MTUS1: variants seen among roughly 807,000 people sequenced by gnomAD.
MTUS1 encodes microtubule-associated tumor suppressor 1.
MTUS1 carries 109 observed loss-of-function variants against 120.8 expected under a neutral mutation model. The ratio of observed to expected loss-of-function variants is 0.90; its 90% CI spans 0.77 to 1.06. The LOEUF is 1.06. Among genes scored for constraint, MTUS1 ranks in the 50% least tolerant of loss-of-function variants. The pLI is 0.00. For missense variants in MTUS1, 2,210 were observed against 1,486.3 expected, an observed-to-expected ratio of 1.49 and a Z score of -8.01; for synonymous variants, 737 against 550.5, an observed-to-expected ratio of 1.34 and a Z score of -4.74.
chr8:17,648,840 G>A (rs909057486), intron 13 of MTUS1, among the ~76,000 whole-genome samples: 7 of 152,202 alleles, frequency 4.6e-5, no homozygotes, highest in Non-Finnish European at 2.9e-5. Context: ...AGTAGCATGC[G>A]GCAGCTGGAC....
chr8:17,747,304 C>T (rs1310102662), intron 2 of MTUS1, among the ~76,000 whole-genome samples: 1 of 152,192 alleles, frequency 6.6e-6, no homozygotes, highest in Non-Finnish European at 1.5e-5. Context: ...AGAATACCTG[C>T]CCTTCAAATT....
chr8:17,684,576 G>C (rs1485635263), intron 6 of MTUS1, 34 bp from the exon 7 acceptor site: 1 of 1,545,708 alleles, frequency 6.5e-7, no homozygotes, highest in African/African-American at 1.4e-5. Flanking sequence ...ACAAAGATAG[G>C]TGAGGTTAAT....
Position 17,676,360 on chromosome 8 carries a change from C to A in MTUS1, c.2839-1108G>T, listed in dbSNP as rs1366080740. ...AGCTTCTGTCTCCAAGTCCCCCCAC[C>A]CCTCGCACTGTGCAAGAAGCATACA... On this transcript the variant is annotated intron_variant, in intron 7 of 14. Coordinates refer to ENST00000693296, the MANE Select transcript of MTUS1 (RefSeq NM_001363059.2). 5 of 702,842 alleles carry A rather than the reference C, an allele frequency of 7.1e-6. No individual in the cohort carries two copies. In the Admixed American group the frequency reaches 8.0e-5, roughly 11 times the overall value. The allele number at this position is 702,842 out of a possible 1,614,324, so 43.5% of individuals were successfully genotyped here. A position where few individuals can be genotyped will look rare whatever the true frequency, so the allele number is the denominator to read the frequency against.
At chr8:17,654,509 T>G in intron 10 of MTUS1, 52 bp downstream of exon 10, 1 of 1,183,202 alleles carries the variant, frequency 8.5e-7, no homozygotes, top group Non-Finnish European at 1.3e-6. Context: ...TAAAACATCA[T>G]GTGGTTCCTT....
At position 17,755,624 on chromosome 8, in the gene MTUS1, G is replaced by C; in HGVS notation, c.184C>G (p.Pro62Ala). 7 of 1,614,112 alleles carry C rather than the reference G, an allele frequency of 4.3e-6. No homozygotes were observed. The highest frequency in any genetic ancestry group is 5.9e-6 in the Non-Finnish European group (7 of 1,180,000). Residue 62 changes from proline to alanine, a missense_variant, in exon 2 of 15, where the codon CCT becomes GCT. By Grantham distance (27) the Pro-to-Ala change is conservative. Coordinates refer to ENST00000693296, the MANE Select transcript of MTUS1 (RefSeq NM_001363059.2). Reference protein sequence around the residue: ...DDMVVDYETDPAVVTGENISL... With the variant: ...DDMVVDYETDAAVVTGENISL... ...ATATTTTCACCAGTAACTACAGCAG[G>C]GTCAGTTTCATAATCAACCACCATG... is the stretch of plus-strand genomic sequence containing the variant.
chr8:17,654,701 A>G (rs1021371818), intron 9 of MTUS1, 35 bp from the exon 10 acceptor site: 51 of 1,469,136 alleles, frequency 3.5e-5, no homozygotes, highest in Non-Finnish European at 4.6e-5. Flanking sequence ...GTTTAACAGT[A>G]AAACCAAATG....
chr8:17,653,260 T>A lies in MTUS1; in HGVS notation c.3310A>T (p.Ser1104Cys), dbSNP rs771445856. The change falls in exon 12 of 15, where the codon AGT becomes TGT. Residue 1104 changes from serine to cysteine, a missense_variant. Ser to Cys is a moderately radical substitution (Grantham distance 112). Transcript: ENST00000693296. ...SLEKQINDLK[S>C]ENDALNEKLK... ...TTTTCATTTAAAGCATCATTTTCAC[T>A]CTTCAGATCATTGATTTGCTTCTAA... The A allele has an allele frequency of 6.4e-7, 1 of 1,555,844 alleles. No individual in the cohort carries two copies. Among genetic ancestry groups the A allele is most frequent in the East Asian group, 2.3e-5 (1 of 44,146 alleles).
intron 7 of MTUS1, among the ~76,000 whole-genome samples, chr8:17,678,823 A>G (rs1297835414): frequency 6.6e-6 from 1 of 151,836 alleles, no homozygotes; most frequent in Non-Finnish European, 1.5e-5. Context: ...GCCCTGTTCA[A>G]GTTTACCTAG....
chr8:17,764,355 GA>G (rs1184640369), intron 1 of MTUS1, among the ~76,000 whole-genome samples: 1 of 142,366 alleles, frequency 7.0e-6, no homozygotes, highest in African/African-American at 2.6e-5. Flanking sequence ...AAATAGCAGG[GA>G]AAAATGGTAA....
intron 1 of MTUS1, among the ~76,000 whole-genome samples, 193 bp from the exon 2 acceptor site, chr8:17,756,154 G>T (rs2048592463): frequency 6.6e-6 from 1 of 152,072 alleles, no homozygotes; most frequent in African/African-American, 2.4e-5. Flanking sequence ...TAATTTGAGG[G>T]AATAGCAAAT....
chr8:17,788,313 T>C (rs562183243), intron 1 of MTUS1, among the ~76,000 whole-genome samples: 2 of 152,350 alleles, frequency 1.3e-5, no homozygotes, highest in Admixed American at 1.3e-4. Context: ...GTGTGTATTC[T>C]GAGACATATT....
chr8:17,657,902 C>T (rs1342929806), intron 8 of MTUS1, among the ~76,000 whole-genome samples: 1 of 150,320 alleles, frequency 6.7e-6, no homozygotes. Context: ...CATATGTATG[C>T]ATGCATATAT....
intron 13 of MTUS1, among the ~76,000 whole-genome samples, chr8:17,649,303 C>T (rs1389874649): frequency 6.6e-6 from 1 of 152,160 alleles, no homozygotes; most frequent in African/African-American, 2.4e-5. Flanking sequence ...GTGACCCACC[C>T]ATCTCAACCT....
At chr8:17,655,779 G>C in intron 9 of MTUS1, 84 bp downstream of exon 9, 1 of 1,171,072 alleles carries the variant, frequency 8.5e-7, no homozygotes, top group Non-Finnish European at 1.3e-6. Context: ...CTAAAAAAGA[G>C]AAGCTCATCA....
intron 8 of MTUS1, among the ~76,000 whole-genome samples, chr8:17,666,826 C>T (rs1002211406): frequency 3.3e-5 from 5 of 152,124 alleles, no homozygotes; most frequent in African/African-American, 9.6e-5. Context: ...TTCCTTAAAG[C>T]CCAAAGAGGG....
intron 7 of MTUS1, among the ~76,000 whole-genome samples, chr8:17,680,989 A>T (rs1296669227): frequency 1.3e-5 from 2 of 151,520 alleles, no homozygotes; most frequent in African/African-American, 4.9e-5. Flanking sequence ...GATGGAGTGT[A>T]GTGGTGCGAT....
At chr8:17,663,861 G>C (rs538645677) in intron 8 of MTUS1, 1 of 152,376 alleles carries the variant, frequency 6.6e-6, no homozygotes, top group African/African-American at 2.4e-5. Context: ...CTCCCAAAGT[G>C]CTGGGATTAC....
intron 4 of MTUS1, chr8:17,721,795 T>A: frequency 6.2e-7 from 1 of 1,614,150 alleles, no homozygotes; most frequent in Non-Finnish European, 8.5e-7. Flanking sequence ...TAAGGTAGCA[T>A]CATAGTGCCT....
intron 8 of MTUS1, among the ~76,000 whole-genome samples, chr8:17,670,415 G>A (rs917231273): frequency 7.9e-5 from 12 of 152,184 alleles, no homozygotes; most frequent in Non-Finnish European, 1.6e-4. Context: ...TAAGGGGTAA[G>A]TGAACGTATG....
Sources: allele counts gnomAD v4.1 joint callset (sites outside exome capture counted in the v4.1 genomes callset), GRCh38; gene constraint gnomAD v4.1.1; transcripts MANE v1.5; gene names NCBI Gene and HGNC (gene_info 2026-07-23, HGNC 2026-07-21).